FRY: variants seen among roughly 807,000 people sequenced by gnomAD.
FRY encodes protein furry homolog.
FRY carries 128 observed loss-of-function variants against 348.4 expected under a neutral mutation model. That is an observed-to-expected ratio of 0.37 (90% CI 0.32 to 0.43). The LOEUF is 0.43. Ranked by LOEUF, FRY falls within the 20% of genes least tolerant of loss-of-function variation. The probability of loss-of-function intolerance (pLI) is 1.00; values close to 1 mark genes in which losing one functional copy is unlikely to be tolerated. For missense variants in FRY, 2,736 were observed against 3,695.2 expected, an observed-to-expected ratio of 0.74 and a Z score of 6.73; for synonymous variants, 1,370 against 1,374.7, an observed-to-expected ratio of 1.00 and a Z score of 0.08.
chr13:32,135,244 C>T, intron 10 of FRY, 61 bp downstream of exon 10: 1 of 1,026,220 alleles, frequency 9.7e-7, no homozygotes, highest in East Asian at 2.4e-5. Context: ...AATTCCTAGA[C>T]AGGAATCTGT....
intron 1 of FRY, among the ~76,000 whole-genome samples, chr13:32,052,945 C>T (rs1873418496): frequency 6.6e-6 from 1 of 152,180 alleles, no homozygotes. Flanking sequence ...GAAACCCCGT[C>T]TCTACTAAAC....
At position 32,237,636 on chromosome 13, in the gene FRY, CCTTGAAGGACAGT is replaced by C; in HGVS notation, c.6071_6083del (p.Leu2024SerfsTer7). On this transcript the variant is annotated frameshift_variant, in exon 44 of 61. Transcript: ENST00000542859. LOFTEE classifies it high-confidence loss of function. The surrounding 1 kb of genome is among the most constrained non-coding windows in gnomAD (Gnocchi z 6.3). ...TCCTCAAAAACCAGAAGCTCATCCT[CCTTGAAGGACAGT>C]CTCACGGACCCATCCCACATAAACC... 6.2e-7 allele frequency: 1 copy of C among 1,614,160 alleles called. No homozygotes were observed. The highest frequency in any genetic ancestry group is 8.5e-7 in the Non-Finnish European group (1 of 1,180,020).
intron 34 of FRY, 74 bp from the exon 35 acceptor site, chr13:32,212,218 A>G (rs1884726960): frequency 1.4e-5 from 11 of 808,052 alleles, no homozygotes; most frequent in Non-Finnish European, 1.7e-5. Flanking sequence ...TTTCCCTGGA[A>G]TTACTTGAGA....
intron 2 of FRY, among the ~76,000 whole-genome samples, chr13:32,085,550 C>G (rs904544375): frequency 2.6e-4 from 39 of 152,044 alleles, no homozygotes; most frequent in Non-Finnish European, 5.1e-4. Context: ...TTCTCATTTG[C>G]AAAATGGAAG....
intron 25 of FRY, 22 bp from the exon 26 acceptor site, chr13:32,184,954 G>T: frequency 6.2e-7 from 1 of 1,608,230 alleles, no homozygotes; most frequent in Non-Finnish European, 8.5e-7. Flanking sequence ...TCATCTAAAA[G>T]TTTCATTTTC....
intron 29 of FRY, among the ~76,000 whole-genome samples, chr13:32,200,475 A>G (rs1429938321): frequency 1.3e-5 from 2 of 152,174 alleles, no homozygotes; most frequent in Non-Finnish European, 2.9e-5. Context: ...TAATCCCAAC[A>G]CTTTGGAAGG....
Position 32,127,757 on chromosome 13 carries a change from T to C in FRY, c.716+2882T>C, listed in dbSNP as rs193011900. 5.3e-5 allele frequency among the ~76,000 whole-genome samples: 8 copies of C among 152,134 alleles called. No individual in the cohort carries two copies. The East Asian group carries it at 1.5e-3, about 29-fold the overall frequency. On this transcript the variant is annotated intron_variant, in intron 7 of 60. Transcript: ENST00000542859. ...TCGTGCCACTACACTCCAGCCTGGG[T>C]GACAGAGCAAGAATCCATCTCAAAA...
intron 2 of FRY, among the ~76,000 whole-genome samples, chr13:32,096,917 G>A (rs1460415366): frequency 6.7e-6 from 1 of 149,726 alleles, no homozygotes; most frequent in Non-Finnish European, 1.5e-5. Flanking sequence ...TTAGCTAATG[G>A]ACTTGACTTT....
intron 42 of FRY, among the ~76,000 whole-genome samples, chr13:32,235,442 G>A (rs1407860467): frequency 6.6e-6 from 1 of 152,180 alleles, no homozygotes; most frequent in Non-Finnish European, 1.5e-5. Flanking sequence ...TGGCCAACAC[G>A]GTGAAACCCC....
At chr13:32,234,445 T>C in intron 41 of FRY, 129 bp from the exon 42 acceptor site, 1 of 828,280 alleles carries the variant, frequency 1.2e-6, no homozygotes, top group Non-Finnish European at 2.1e-6. Flanking sequence ...AAAAAATGGT[T>C]GACTTGTAAA....
At chr13:32,083,574 C>T (rs1029522889) in intron 2 of FRY, among the ~76,000 whole-genome samples, 2 of 152,076 alleles carry the variant, frequency 1.3e-5, no homozygotes, top group Non-Finnish European at 1.5e-5. Context: ...TTCTCCAGCA[C>T]GGTTTTGCTT....
chr13:32,190,189 A>G (rs1270784073), intron 28 of FRY, among the ~76,000 whole-genome samples: 1 of 151,932 alleles, frequency 6.6e-6, no homozygotes, highest in Non-Finnish European at 1.5e-5. Flanking sequence ...ACACCCTATG[A>G]GCACCATATT....
At chr13:32,286,673 G>A (rs2138636548) in intron 58 of FRY, among the ~76,000 whole-genome samples, 1 of 148,024 alleles carries the variant, frequency 6.8e-6, no homozygotes, top group African/African-American at 2.5e-5. Context: ...TGTGAACCCG[G>A]GAGGTGGAGC....
At chr13:32,254,929 G>A (rs896566963) in intron 51 of FRY, among the ~76,000 whole-genome samples, 3 of 152,158 alleles carry the variant, frequency 2.0e-5, no homozygotes, top group African/African-American at 2.4e-5. Context: ...TGCTTAGCTC[G>A]GTGGCTGGTG....
intron 2 of FRY, among the ~76,000 whole-genome samples, chr13:32,093,451 G>C (rs376830480): frequency 6.6e-6 from 1 of 152,010 alleles, no homozygotes; most frequent in Admixed American, 6.5e-5. Context: ...TTTCTTTCCC[G>C]CTCTTTCCTT....
chr13:32,171,250 A>G lies in FRY; in HGVS notation c.2131A>G (p.Asn711Asp), dbSNP rs1184744900. The G allele has an allele frequency of 4.3e-6, 7 of 1,612,466 alleles. No homozygotes were observed. In the South Asian group the frequency reaches 7.7e-5, roughly 18 times the overall value. ...QTQGKVYEQA[N>D]KIRNSELIAN... ...ACAAGGAAAAGTCTATGAACAAGCC[A>G]ACAAAATCAGAAATTCAGAGGTGAT... Residue 711 changes from asparagine (N) to aspartate (D), a missense_variant, in exon 18 of 61, where the codon AAC becomes GAC. This residue lies in a region of FRY where 449 missense variants were observed against 576.9 expected (regional missense o/e 0.78). Coordinates refer to ENST00000542859, the MANE Select transcript of FRY (RefSeq NM_023037.3).
At chr13:32,035,185 C>T (rs1359228541) in intron 1 of FRY, among the ~76,000 whole-genome samples, 2 of 152,222 alleles carry the variant, frequency 1.3e-5, no homozygotes, top group Non-Finnish European at 2.9e-5. Context: ...CATGTCTTCC[C>T]TTAGCCTTGG....
chr13:32,214,956 T>A (rs1290533112), intron 35 of FRY, among the ~76,000 whole-genome samples: 4 of 152,202 alleles, frequency 2.6e-5, no homozygotes, highest in Admixed American at 1.3e-4. Context: ...AGATTAATGG[T>A]TCTTTGATGT....
rs374589529 is a variant in FRY at position 32,224,223 on chromosome 13, C to T, written c.4766-12C>T. On this transcript the variant is annotated splice_polypyrimidine_tract_variant and intron_variant, in intron 36 of 60. Transcript: ENST00000542859. ...CTGAAAATAAAGCACAGTTGTCTTT[C>T]TCACCCTCCAGATGATCCAATTTCT... 143 of 1,613,032 alleles carry T rather than the reference C, an allele frequency of 8.9e-5. No individual in the cohort carries two copies. The highest frequency in any genetic ancestry group is 1.2e-4 in the Non-Finnish European group (136 of 1,179,118).
Sources: gnomAD v4.1 joint callset for allele counts (sites outside exome capture counted in the v4.1 genomes callset) on GRCh38, gnomAD v4.1.1 for gene constraint, gnomAD v4.1.1 regional missense constraint, Gnocchi (gnomAD v3.1) non-coding constraint, MANE v1.5 for transcripts, NCBI Gene and HGNC (gene_info 2026-07-23, HGNC 2026-07-21) for gene names.